The following GRIA4 variants were observed in gnomAD, a reference collection of about 807,000 sequenced individuals.
GRIA4 encodes glutamate receptor 4.
In GRIA4, 34 loss-of-function variants were observed where a neutral mutation model predicts 104.0. That is an observed-to-expected ratio of 0.33 (90% CI 0.25 to 0.44). The LOEUF (loss-of-function observed/expected upper bound fraction) is 0.44. GRIA4 is among the 20% of genes least tolerant of loss of function. The pLI is 1.00. For missense variants in GRIA4, 750 were observed against 1,096.5 expected, an observed-to-expected ratio of 0.68 and a Z score of 4.46; for synonymous variants, 386 against 381.9, an observed-to-expected ratio of 1.01 and a Z score of -0.13.
chr11:105,625,823 C>T (rs970528434), intron 3 of GRIA4, among the ~76,000 whole-genome samples: 17 of 152,096 alleles, frequency 1.1e-4, no homozygotes, highest in African/African-American at 3.1e-4. Context: ...ACACAAATTG[C>T]TACAAATTAA....
chr11:105,936,401 T>C (rs2136216767), intron 14 of GRIA4, among the ~76,000 whole-genome samples: 1 of 152,334 alleles, frequency 6.6e-6, no homozygotes, highest in East Asian at 1.9e-4. Context: ...AAACAATCTA[T>C]CTTTTTTTAA....
At chr11:105,616,371 C>G (rs1950600641) in intron 3 of GRIA4, among the ~76,000 whole-genome samples, 1 of 151,558 alleles carries the variant, frequency 6.6e-6, no homozygotes, top group East Asian at 1.9e-4. Context: ...TTTGTGGACT[C>G]TAAGTATCCA....
chr11:105,968,416 A>C (rs1858503401), intron 14 of GRIA4, among the ~76,000 whole-genome samples: 1 of 152,148 alleles, frequency 6.6e-6, no homozygotes. Context: ...CAATTAGACT[A>C]TTTGGGGTCG....
At chr11:105,952,818 T>C (rs1175510445) in intron 14 of GRIA4, among the ~76,000 whole-genome samples, 4 of 152,202 alleles carry the variant, frequency 2.6e-5, no homozygotes, top group African/African-American at 7.2e-5. Context: ...TGGGTCTGAA[T>C]TGTCTTTCCA....
intron 14 of GRIA4, among the ~76,000 whole-genome samples, chr11:105,948,488 T>C (rs974825201): frequency 5.9e-5 from 9 of 151,822 alleles, no homozygotes; most frequent in African/African-American, 1.9e-4. Context: ...TGGTAATAAA[T>C]GTAATTTTTA....
intron 9 of GRIA4, among the ~76,000 whole-genome samples, chr11:105,909,220 C>G (rs2136160002): frequency 6.6e-6 from 1 of 152,214 alleles, no homozygotes; most frequent in African/African-American, 2.4e-5. Context: ...AATGCTTACT[C>G]TATTTAAATA....
chr11:105,819,799 T>C (rs944403064), intron 4 of GRIA4, among the ~76,000 whole-genome samples: 1 of 152,144 alleles, frequency 6.6e-6, no homozygotes, highest in Admixed American at 6.6e-5. Context: ...TAAAAAATGA[T>C]ATGTTGAAAT....
intron 6 of GRIA4, among the ~76,000 whole-genome samples, chr11:105,890,267 A>T (rs934040718): frequency 6.6e-6 from 1 of 152,202 alleles, no homozygotes; most frequent in Admixed American, 6.5e-5. Flanking sequence ...GTTTAAATAT[A>T]GGTGTTCTTT....
chr11:105,682,495 C>T (rs903569305), intron 3 of GRIA4, among the ~76,000 whole-genome samples: 1 of 152,128 alleles, frequency 6.6e-6, no homozygotes, highest in African/African-American at 2.4e-5. Flanking sequence ...AAGTCATGTT[C>T]CTTTGTTGTA....
intron 15 of GRIA4, among the ~76,000 whole-genome samples, chr11:105,972,691 A>G (rs1323035071): frequency 6.6e-6 from 1 of 152,164 alleles, no homozygotes; most frequent in African/African-American, 2.4e-5. Flanking sequence ...GCAGGAACCT[A>G]TATTCCTAAT....
At chr11:105,875,328 G>A (rs1310235505) in intron 5 of GRIA4, among the ~76,000 whole-genome samples, 1 of 152,198 alleles carries the variant, frequency 6.6e-6, no homozygotes, top group Non-Finnish European at 1.5e-5. Flanking sequence ...GTATTTTAAT[G>A]AGGATTTTCG....
At chr11:105,931,266 A>G (rs919701517) in intron 13 of GRIA4, among the ~76,000 whole-genome samples, 4 of 37,674 alleles carry the variant, frequency 1.1e-4, no homozygotes, top group Non-Finnish European at 2.2e-4. Flanking sequence ...TTGCCTAAAT[A>G]CACACACACA....
At chr11:105,906,657 A>G (rs1004841522) in intron 9 of GRIA4, among the ~76,000 whole-genome samples, 9 of 152,156 alleles carry the variant, frequency 5.9e-5, no homozygotes, top group African/African-American at 1.9e-4. Flanking sequence ...CTGCCAGCTA[A>G]TACGTGGTAA....
intron 3 of GRIA4, among the ~76,000 whole-genome samples, chr11:105,643,759 C>A (rs903094944): frequency 1.3e-5 from 2 of 152,174 alleles, no homozygotes; most frequent in Non-Finnish European, 2.9e-5. Context: ...TGCTCTGTCA[C>A]CCAGGCTGGA....
chr11:105,828,744 C>A (rs1362464297), intron 4 of GRIA4, among the ~76,000 whole-genome samples: 1 of 151,308 alleles, frequency 6.6e-6, no homozygotes, highest in Non-Finnish European at 1.5e-5. Context: ...CATGGTGTAA[C>A]AAAATTTTCA....
chr11:105,612,753 T>C, intron 3 of GRIA4: 1 of 223,622 alleles, frequency 4.5e-6, no homozygotes, highest in Non-Finnish European at 8.7e-6. Flanking sequence ...ATTCCTATCA[T>C]CCGAATGTCA....
intron 4 of GRIA4, among the ~76,000 whole-genome samples, chr11:105,785,056 A>G (rs1454305242): frequency 1.3e-5 from 2 of 152,156 alleles, no homozygotes; most frequent in Non-Finnish European, 2.9e-5. Flanking sequence ...TATATGCTAT[A>G]TATAAATTAA....
rs138674744 is a variant in GRIA4 at position 105,688,881 on chromosome 11, T to G, written c.248-64100T>G. ...TAGGAAAAAAAGTCTTACCGCTGTT[T>G]ATATTGGAAGATCTGATCTAGTTTA... On this transcript the variant is annotated intron_variant, in intron 3 of 16. Transcript: ENST00000282499. 5.0e-3 allele frequency among the ~76,000 whole-genome samples: 763 copies of G among 152,180 alleles called. 15 individuals carry two copies. The highest frequency in any genetic ancestry group is 0.017 in the African/African-American group (713 of 41,514).
At chr11:105,692,551 C>A (rs969683225) in intron 3 of GRIA4, among the ~76,000 whole-genome samples, 1 of 152,144 alleles carries the variant, frequency 6.6e-6, no homozygotes, top group African/African-American at 2.4e-5. Flanking sequence ...CTTGACAAAT[C>A]GAAAGGATAG....
Sources: allele counts gnomAD v4.1 joint callset (sites outside exome capture counted in the v4.1 genomes callset), GRCh38; gene constraint gnomAD v4.1.1; transcripts MANE v1.5; gene names NCBI Gene and HGNC (gene_info 2026-07-23, HGNC 2026-07-21).